The following NLGN1 variants were observed in gnomAD, a reference collection of about 807,000 sequenced individuals.
NLGN1 encodes the protein neuroligin-1.
NLGN1 carries 12 observed loss-of-function variants against 65.5 expected under a neutral mutation model. The observed-to-expected ratio is 0.18, with a 90% CI of 0.12 to 0.30. NLGN1 has a LOEUF of 0.30. Ranked by LOEUF, NLGN1 falls within the 10% of genes least tolerant of loss-of-function variation. The pLI, the probability that NLGN1 is intolerant of heterozygous loss-of-function variation, is 1.00. For synonymous variants in NLGN1, 350 were observed against 359.5 expected, an observed-to-expected ratio of 0.97 and a Z score of 0.30; for missense variants, 750 against 1,007.1, an observed-to-expected ratio of 0.74 and a Z score of 3.46.
At chr3:173,842,713 G>A (rs1006377653) in intron 4 of NLGN1, among the ~76,000 whole-genome samples, 21 of 152,300 alleles carry the variant, frequency 1.4e-4, no homozygotes, top group African/African-American at 4.1e-4. Flanking sequence ...GGGCAGCTCC[G>A]CCCCTGTGAC....
At chr3:173,673,638 T>G (rs1762742270) in intron 3 of NLGN1, among the ~76,000 whole-genome samples, 1 of 152,150 alleles carries the variant, frequency 6.6e-6, no homozygotes, top group Non-Finnish European at 1.5e-5. Context: ...ATGAGGAAAC[T>G]GGGGCATAGA....
intron 3 of NLGN1, among the ~76,000 whole-genome samples, chr3:173,658,887 C>G (rs1760489379): frequency 6.6e-6 from 1 of 151,992 alleles, no homozygotes; most frequent in Non-Finnish European, 1.5e-5. Flanking sequence ...TATACACATG[C>G]ATGGAATGGA....
intron 2 of NLGN1, among the ~76,000 whole-genome samples, chr3:173,568,291 T>C (rs570549184): frequency 2.0e-5 from 3 of 152,008 alleles, no homozygotes; most frequent in Non-Finnish European, 2.9e-5. Context: ...TTGCCCAGGC[T>C]GGCAATTTCT....
intron 2 of NLGN1, among the ~76,000 whole-genome samples, chr3:173,533,728 A>G (rs1736990774): frequency 6.6e-6 from 1 of 152,204 alleles, no homozygotes; most frequent in African/African-American, 2.4e-5. Flanking sequence ...ACGTGCCTAT[A>G]ATCCCAGCAC....
downstream of NLGN1, among the ~76,000 whole-genome samples, chr3:174,291,224 G>A (rs1247195026): frequency 6.6e-6 from 1 of 150,554 alleles, no homozygotes; most frequent in Non-Finnish European, 1.5e-5. Context: ...AAAAAATCAA[G>A]CATAAGTGAT....
intron 1 of NLGN1, among the ~76,000 whole-genome samples, chr3:173,416,287 C>A (rs1035108365): frequency 1.3e-5 from 2 of 152,162 alleles, no homozygotes. Context: ...CTCATTTCTT[C>A]ATTTGCAAAA....
At chr3:173,471,883 A>C (rs889382807) in intron 2 of NLGN1, among the ~76,000 whole-genome samples, 3 of 152,172 alleles carry the variant, frequency 2.0e-5, no homozygotes, top group Non-Finnish European at 4.4e-5. Context: ...AGATAGATTT[A>C]TGATTGTGAA....
chr3:174,122,035 C>T (rs1187715992), intron 4 of NLGN1, among the ~76,000 whole-genome samples: 1 of 152,142 alleles, frequency 6.6e-6, no homozygotes, highest in Non-Finnish European at 1.5e-5. Context: ...TCCGTCTTTC[C>T]TAAGTAAAGA....
At chr3:173,531,315 A>G (rs541144871) in intron 2 of NLGN1, among the ~76,000 whole-genome samples, 1 of 152,260 alleles carries the variant, frequency 6.6e-6, no homozygotes, top group South Asian at 2.1e-4. Context: ...GTAGAAAAAT[A>G]GTGTATAAGC....
At chr3:174,167,382 T>C (rs1256669214) in intron 4 of NLGN1, among the ~76,000 whole-genome samples, 1 of 152,150 alleles carries the variant, frequency 6.6e-6, no homozygotes, top group African/African-American at 2.4e-5. Flanking sequence ...TGTAAGGCTG[T>C]TCTAGTGGCA....
At chr3:174,052,461 A>G (rs1464690039) in intron 4 of NLGN1, among the ~76,000 whole-genome samples, 1 of 152,038 alleles carries the variant, frequency 6.6e-6, no homozygotes, top group Non-Finnish European at 1.5e-5. Context: ...AAAACACTTT[A>G]TAAAGTCAAC....
chr3:174,286,375 A>T (rs982821342), exon 7 of NLGN1: 3 of 151,440 alleles, frequency 2.0e-5, no homozygotes, highest in Non-Finnish European at 3.0e-5. Context: ...CGTAACAAAA[A>T]CTCAGCAGAT....
At chr3:173,707,124 T>G (rs1768162256) in intron 3 of NLGN1, among the ~76,000 whole-genome samples, 1 of 152,234 alleles carries the variant, frequency 6.6e-6, no homozygotes, top group African/African-American at 2.4e-5. Flanking sequence ...GGTCCTTGGT[T>G]GCAGGAACCA....
At position 173,554,328 on chromosome 3, in the gene NLGN1, T is replaced by G. The variant is rs1288120612; in HGVS notation, c.-320-49951T>G. On this transcript the variant is annotated intron_variant, in intron 2 of 6. Coordinates refer to ENST00000457714, the Ensembl canonical transcript of NLGN1. ...TTCAGACTAAATCTACAGTGAAGGT[T>G]AAGTTACTATCATTTCTAGAATGCA... is the stretch of plus-strand genomic sequence containing the variant. Among the ~76,000 whole-genome samples, 5 of 152,206 alleles carry G rather than the reference T, an allele frequency of 3.3e-5. No individual in the cohort carries two copies. In the East Asian group the frequency reaches 7.7e-4, roughly 23 times the overall value.
chr3:174,122,159 C>T (rs537051141), intron 4 of NLGN1, among the ~76,000 whole-genome samples: 11 of 152,104 alleles, frequency 7.2e-5, no homozygotes, highest in Non-Finnish European at 1.6e-4. Flanking sequence ...AATGAGTAAA[C>T]GTATTTCCCA....
At chr3:174,122,360 G>T (rs1717955539) in intron 4 of NLGN1, among the ~76,000 whole-genome samples, 1 of 152,082 alleles carries the variant, frequency 6.6e-6, no homozygotes, top group Non-Finnish European at 1.5e-5. Context: ...ATGAAGGAAA[G>T]GCTTAATAAC....
intron 3 of NLGN1, among the ~76,000 whole-genome samples, chr3:173,730,324 C>CCCG (rs1553822030): frequency 8.0e-6 from 1 of 124,342 alleles, no homozygotes; most frequent in Admixed American, 8.1e-5. Flanking sequence ...CCCACCGCTC[C>CCCG]CCCCCCCCCG....
chr3:174,226,337 A>C (rs545122519), intron 4 of NLGN1, among the ~76,000 whole-genome samples: 76 of 152,182 alleles, frequency 5.0e-4, no homozygotes, highest in African/African-American at 1.7e-3. Context: ...GCTTTTGACC[A>C]TCCATTTCTT....
chr3:174,104,424 T>G (rs1298407507), intron 4 of NLGN1, among the ~76,000 whole-genome samples: 2 of 152,122 alleles, frequency 1.3e-5, no homozygotes, highest in African/African-American at 4.8e-5. Context: ...TTATTAAATG[T>G]TTAGAATTGT....
Sources: gnomAD v4.1 joint callset for allele counts (sites outside exome capture counted in the v4.1 genomes callset) on GRCh38, gnomAD v4.1.1 for gene constraint, MANE v1.5 for transcripts, NCBI Gene and HGNC (gene_info 2026-07-23, HGNC 2026-07-21) for gene names.